NLN: variants seen among roughly 807,000 people sequenced by gnomAD.
NLN encodes neurolysin.
In NLN, 64 loss-of-function variants were observed where a neutral mutation model predicts 79.9. The observed-to-expected ratio is 0.80, with a 90% CI of 0.65 to 0.99. The LOEUF is 0.99. NLN is among the 50% of genes least tolerant of loss of function. NLN has a pLI of 0.00. For missense variants in NLN, 835 were observed against 858.7 expected (o/e 0.97, Z 0.34); for synonymous variants, 267 against 296.6 (o/e 0.90, Z 1.02).
chr5:65,792,697 TTTTAGAAAACTTCTTGACTGCTGTCA>T, intron 9 of NLN, 42 bp downstream of exon 9: 1 of 1,478,850 alleles, frequency 6.8e-7, no homozygotes, highest in Non-Finnish European at 9.5e-7. Flanking sequence ...CAATTAGTTT[TTTTAGAAAACTTCTTGACTGCTGTCA>T]GGTTTCTGCT....
Position 65,824,514 on chromosome 5 carries a change from C to T in NLN, c.*1599C>T, listed in dbSNP as rs1320332514. 6.6e-6 allele frequency: 1 copy of T among 152,164 alleles called. No homozygotes were observed. The highest frequency in any genetic ancestry group is 1.5e-5 in the Non-Finnish European group (1 of 68,046). The allele number at this position is 152,164 out of a possible 1,614,324, so 9.4% of individuals were successfully genotyped here. On this transcript the variant is annotated 3_prime_UTR_variant, in exon 13 of 13. Transcript: ENST00000380985. ...TCTTTGTAGCCTATAGTAGTTTTCT[C>T]ACATCTTTCCCCCTAGACTTTTCTG... is the stretch of plus-strand genomic sequence containing the variant.
chr5:65,760,096 A>G (rs1378689754), intron 2 of NLN, among the ~76,000 whole-genome samples: 2 of 152,206 alleles, frequency 1.3e-5, no homozygotes, highest in Admixed American at 1.3e-4. Flanking sequence ...TTGAAAGATC[A>G]TCAGAATCCA....
At chr5:65,798,098 A>T (rs1042591381) in intron 9 of NLN, among the ~76,000 whole-genome samples, 1 of 152,196 alleles carries the variant, frequency 6.6e-6, no homozygotes, top group Non-Finnish European at 1.5e-5. Flanking sequence ...CCAAGACCAT[A>T]CCTAGTCAGG....
intron 1 of NLN, among the ~76,000 whole-genome samples, chr5:65,745,133 G>A (rs557718666): frequency 6.6e-6 from 1 of 152,202 alleles, no homozygotes; most frequent in African/African-American, 2.4e-5. Flanking sequence ...AGCTGCCCAA[G>A]TCTATGTGAC....
chr5:65,725,256 G>A (rs1050412688), intron 1 of NLN, among the ~76,000 whole-genome samples: 5 of 152,168 alleles, frequency 3.3e-5, no homozygotes, highest in South Asian at 2.1e-4. Context: ...TATGAAGTTG[G>A]AAAGAAGAAT....
intron 1 of NLN, among the ~76,000 whole-genome samples, chr5:65,726,197 G>A (rs568277674): frequency 6.6e-6 from 1 of 151,640 alleles, no homozygotes; most frequent in Non-Finnish European, 1.5e-5. Flanking sequence ...CTTTTGATTT[G>A]GGCAACCAAA....
chr5:65,739,343 G>A (rs1758822752), intron 1 of NLN, among the ~76,000 whole-genome samples: 1 of 151,980 alleles, frequency 6.6e-6, no homozygotes, highest in African/African-American at 2.4e-5. Flanking sequence ...TGTCACAAAT[G>A]ACAGAATTTC....
At chr5:65,791,428 G>A (rs1760055397) in intron 8 of NLN, among the ~76,000 whole-genome samples, 1 of 152,058 alleles carries the variant, frequency 6.6e-6, no homozygotes, top group African/African-American at 2.4e-5. Context: ...TGTGGTGGCA[G>A]GCACTTGTAG....
chr5:65,743,382 G>A (rs1025491532), intron 1 of NLN, among the ~76,000 whole-genome samples: 4 of 152,084 alleles, frequency 2.6e-5, no homozygotes, highest in Non-Finnish European at 4.4e-5. Context: ...ATAGTTAACC[G>A]ACATATAGAT....
At chr5:65,818,925 A>C (rs917144610) in intron 12 of NLN, 1 of 152,186 alleles carries the variant, frequency 6.6e-6, no homozygotes, top group African/African-American at 2.4e-5. Context: ...CAGGAGACCC[A>C]ATCTGTTTCC....
intron 1 of NLN, among the ~76,000 whole-genome samples, chr5:65,747,973 G>A (rs1759020719): frequency 6.6e-6 from 1 of 152,192 alleles, no homozygotes; most frequent in South Asian, 2.1e-4. Flanking sequence ...GGCCAAGACG[G>A]GTGGATCACC....
At chr5:65,734,870 C>A (rs1042841493) in intron 1 of NLN, among the ~76,000 whole-genome samples, 1 of 152,122 alleles carries the variant, frequency 6.6e-6, no homozygotes, top group African/African-American at 2.4e-5. Context: ...CATAGGAATT[C>A]TTTTTAAGGT....
intron 1 of NLN, among the ~76,000 whole-genome samples, chr5:65,736,804 G>A (rs2150735652): frequency 6.6e-6 from 1 of 152,106 alleles, no homozygotes; most frequent in South Asian, 2.1e-4. Context: ...TTGTTTTCCA[G>A]TATTCAAAAA....
chr5:65,763,179 A>G (rs903875153), intron 3 of NLN, 71 bp downstream of exon 3: 2 of 1,316,114 alleles, frequency 1.5e-6, no homozygotes, highest in Non-Finnish European at 2.1e-6. Context: ...AGTCATAAAT[A>G]AAACATACTG....
chr5:65,775,324 A>C (rs946119325), intron 3 of NLN, among the ~76,000 whole-genome samples: 1 of 152,116 alleles, frequency 6.6e-6, no homozygotes, highest in Non-Finnish European at 1.5e-5. Flanking sequence ...CTGTGTCCTG[A>C]GCTCATGGCC....
At chr5:65,740,934 C>A in intron 1 of NLN, 1 of 150,316 alleles carries the variant, frequency 6.7e-6, no homozygotes, top group Non-Finnish European at 1.3e-5. Flanking sequence ...TGTGCAGTGG[C>A]GTGATCTTGG....
chr5:65,769,516 A>T (rs1759523447), intron 3 of NLN, among the ~76,000 whole-genome samples: 1 of 152,200 alleles, frequency 6.6e-6, no homozygotes. Context: ...TGCCCCATAA[A>T]TGTATACACC....
intron 1 of NLN, among the ~76,000 whole-genome samples, chr5:65,741,390 A>G (rs1303521898): frequency 6.6e-6 from 1 of 152,126 alleles, no homozygotes; most frequent in Non-Finnish European, 1.5e-5. Context: ...TCATAATACC[A>G]TTGTCACACG....
intron 12 of NLN, among the ~76,000 whole-genome samples, chr5:65,820,332 A>G (rs1490364675): frequency 6.6e-6 from 1 of 152,208 alleles, no homozygotes; most frequent in African/African-American, 2.4e-5. Flanking sequence ...TTGAGACTGG[A>G]TGATAGGTTT....
Sources: gnomAD v4.1 joint callset for allele counts (sites outside exome capture counted in the v4.1 genomes callset) on GRCh38, gnomAD v4.1.1 for gene constraint, MANE v1.5 for transcripts, NCBI Gene and HGNC (gene_info 2026-07-23, HGNC 2026-07-21) for gene names.